Variants in AUTS2 observed in about 807,000 individuals in gnomAD.
AUTS2 encodes activator of transcription and developmental regulator AUTS2.
AUTS2 carries 17 observed loss-of-function variants against 112.4 expected under a neutral mutation model. The observed-to-expected ratio is 0.15, with a 90% CI of 0.10 to 0.23. AUTS2 has a LOEUF of 0.23. Ranked by LOEUF, AUTS2 falls within the 10% of genes least tolerant of loss-of-function variation. AUTS2 has a pLI of 1.00. For missense variants in AUTS2, 1,510 were observed against 1,701.6 expected, an observed-to-expected ratio of 0.89 and a Z score of 1.98; for synonymous variants, 751 against 702.7, an observed-to-expected ratio of 1.07 and a Z score of -1.09.
At chr7:70,746,170 A>G (rs1788438951) in intron 6 of AUTS2, among the ~76,000 whole-genome samples, 1 of 152,176 alleles carries the variant, frequency 6.6e-6, no homozygotes, top group Admixed American at 6.5e-5. Flanking sequence ...ATTTTGAGAC[A>G]GAGTCTCACT....
chr7:70,222,107 A>T (rs1811517762), intron 4 of AUTS2, among the ~76,000 whole-genome samples: 1 of 152,172 alleles, frequency 6.6e-6, no homozygotes. Context: ...TATGGATTAA[A>T]TTTTTCACAT....
At chr7:69,708,488 G>A (rs982857240) in intron 1 of AUTS2, among the ~76,000 whole-genome samples, 90 of 152,312 alleles carry the variant, frequency 5.9e-4, no homozygotes, top group African/African-American at 2.0e-3. Context: ...GTCTAGAGCT[G>A]TCTTCGAGGG....
chr7:70,269,438 G>A (rs994915145), intron 4 of AUTS2, among the ~76,000 whole-genome samples: 5 of 152,082 alleles, frequency 3.3e-5, no homozygotes, highest in African/African-American at 1.2e-4. Flanking sequence ...TCACAGGTGG[G>A]TGCCACATGT....
chr7:70,103,013 G>T (rs1355896602), intron 2 of AUTS2, among the ~76,000 whole-genome samples: 2 of 152,080 alleles, frequency 1.3e-5, no homozygotes, highest in East Asian at 1.9e-4. Flanking sequence ...TATCATTAAG[G>T]TGTGTGGTAT....
At chr7:70,357,823 A>T (rs965710105) in intron 4 of AUTS2, among the ~76,000 whole-genome samples, 5 of 152,220 alleles carry the variant, frequency 3.3e-5, no homozygotes, top group African/African-American at 9.6e-5. Flanking sequence ...TTTGTGTGTT[A>T]TATGAAGGGT....
At chr7:70,714,361 A>G (rs1282025131) in intron 6 of AUTS2, among the ~76,000 whole-genome samples, 1 of 152,212 alleles carries the variant, frequency 6.6e-6, no homozygotes, top group Non-Finnish European at 1.5e-5. Context: ...ATTTTAAAGC[A>G]TGTCTCAGAC....
chr7:69,839,150 AGTCTCTG>A (rs1331175894), intron 1 of AUTS2, among the ~76,000 whole-genome samples: 35 of 152,192 alleles, frequency 2.3e-4, no homozygotes, highest in African/African-American at 8.0e-4. Flanking sequence ...GCCTGCTGAC[AGTCTCTG>A]GGCTGGAGTT....
chr7:69,876,984 C>G, intron 1 of AUTS2, among the ~76,000 whole-genome samples: 1 of 152,108 alleles, frequency 6.6e-6, no homozygotes, highest in East Asian at 1.9e-4. Flanking sequence ...TAGCTTGGGA[C>G]TTGTTACCTA....
intron 1 of AUTS2, among the ~76,000 whole-genome samples, chr7:69,651,139 G>T (rs1038450201): frequency 6.6e-6 from 1 of 152,206 alleles, no homozygotes; most frequent in African/African-American, 2.4e-5. Context: ...TAGTAGTGTC[G>T]TGAGGACTGC....
At chr7:69,875,610 T>C (rs1301149014) in intron 1 of AUTS2, among the ~76,000 whole-genome samples, 2 of 152,306 alleles carry the variant, frequency 1.3e-5, no homozygotes, top group African/African-American at 4.8e-5. Flanking sequence ...ACAAGTAGCT[T>C]GATAGATGGC....
intron 6 of AUTS2, among the ~76,000 whole-genome samples, chr7:70,751,443 A>G (rs6957385): frequency 0.4 from 61,427 of 152,080 alleles, 14,432 homozygotes; most frequent in African/African-American, 0.65. Context: ...TTTTACACCA[A>G]ACATCTAAAA....
intron 5 of AUTS2, among the ~76,000 whole-genome samples, chr7:70,638,029 A>T (rs1463381000): frequency 6.6e-6 from 1 of 152,072 alleles, no homozygotes; most frequent in East Asian, 1.9e-4. Context: ...TCCTTCTTTG[A>T]GAGTCTATAG....
chr7:70,555,037 T>A (rs986246721), intron 5 of AUTS2, among the ~76,000 whole-genome samples: 2 of 152,240 alleles, frequency 1.3e-5, no homozygotes, highest in Non-Finnish European at 2.9e-5. Flanking sequence ...ACACTGTGAA[T>A]GCAGAGATGG....
At chr7:69,907,273 CTG>C (rs1412052835) in intron 2 of AUTS2, among the ~76,000 whole-genome samples, 1 of 152,176 alleles carries the variant, frequency 6.6e-6, no homozygotes, top group Admixed American at 6.5e-5. Flanking sequence ...GTAGTGTTCT[CTG>C]TGAGTTTATC....
At chr7:70,771,335 T>C (rs777361984) in intron 10 of AUTS2, 2 of 390,724 alleles carry the variant, frequency 5.1e-6, no homozygotes, top group Non-Finnish European at 9.2e-6. Context: ...GGATGTCATT[T>C]GCTGGCTGAT....
intron 4 of AUTS2, among the ~76,000 whole-genome samples, chr7:70,147,106 C>A (rs931657522): frequency 2.6e-5 from 4 of 151,872 alleles, no homozygotes; most frequent in African/African-American, 9.7e-5. Flanking sequence ...CTTATAGTCC[C>A]AGCTGCTTGG....
chr7:70,549,195 T>G lies in AUTS2; in HGVS notation c.690+113414T>G, dbSNP rs193035336. On this transcript the variant is annotated intron_variant, in intron 5 of 18. Coordinates refer to ENST00000342771, the MANE Select transcript of AUTS2 (RefSeq NM_015570.4). The stretch of plus-strand genomic sequence containing the variant: ...GTTTATTGCTAGTATATAAAAACAT[T>G]GATTTTCATATTGGTCTTCTATCGT... Among the ~76,000 whole-genome samples the G allele has an allele frequency of 2.7e-4, 41 of 152,346 alleles. No homozygotes were observed. The East Asian group carries it at 5.6e-3, about 21-fold the overall frequency.
intron 4 of AUTS2, among the ~76,000 whole-genome samples, chr7:70,184,925 T>A (rs1809519023): frequency 6.6e-6 from 1 of 152,238 alleles, no homozygotes; most frequent in African/African-American, 2.4e-5. Flanking sequence ...ACTTACAGCA[T>A]AACTATTCAT....
At chr7:69,964,820 G>A (rs181423699) in intron 2 of AUTS2, among the ~76,000 whole-genome samples, 1 of 151,810 alleles carries the variant, frequency 6.6e-6, no homozygotes, top group East Asian at 1.9e-4. Flanking sequence ...TTGTCACTCT[G>A]TCACCTTACC....
Sources: allele counts gnomAD v4.1 joint callset (sites outside exome capture counted in the v4.1 genomes callset), GRCh38; gene constraint gnomAD v4.1.1; transcripts MANE v1.5; gene names NCBI Gene and HGNC (gene_info 2026-07-23, HGNC 2026-07-21).